The following DAB1 variants were observed in gnomAD, a reference collection of about 807,000 sequenced individuals.
The protein encoded by DAB1 is DAB adaptor protein 1.
In DAB1, 15 loss-of-function variants were observed where a neutral mutation model predicts 64.6. That is an observed-to-expected ratio of 0.23 (90% CI 0.16 to 0.36). The LOEUF (loss-of-function observed/expected upper bound fraction) is 0.36. Ranked by LOEUF, DAB1 falls within the 10% of genes least tolerant of loss-of-function variation. DAB1 has a pLI of 1.00. For synonymous variants in DAB1, 235 were observed against 251.9 expected (o/e 0.93, Z 0.64); for missense variants, 596 against 706.7 (o/e 0.84, Z 1.78).
At chr1:57,731,379 T>C (rs1241686468) in intron 6 of DAB1, among the ~76,000 whole-genome samples, 3 of 152,014 alleles carry the variant, frequency 2.0e-5, no homozygotes, top group Admixed American at 2.0e-4. Context: ...AGATGAAAAA[T>C]GTTCTGGAGT....
chr1:57,319,513 TGTC>T (rs543911406), intron 1 of DAB1, among the ~76,000 whole-genome samples: 2 of 152,122 alleles, frequency 1.3e-5, no homozygotes, highest in African/African-American at 4.8e-5. Context: ...CTTCTCTGGA[TGTC>T]TGTTTCTTAA....
At chr1:57,809,632 T>C (rs998348790) in intron 6 of DAB1, among the ~76,000 whole-genome samples, 2 of 152,186 alleles carry the variant, frequency 1.3e-5, no homozygotes, top group Non-Finnish European at 2.9e-5. Context: ...AATGAAAGCA[T>C]GAATAATTAA....
At chr1:57,651,665 C>CAAA (rs142806300) in intron 6 of DAB1, among the ~76,000 whole-genome samples, 3 of 149,174 alleles carry the variant, frequency 2.0e-5, no homozygotes, top group African/African-American at 7.5e-5. Context: ...AGAAAACAAA[C>CAAA]AAAAAAAAAA....
intron 7 of DAB1, among the ~76,000 whole-genome samples, chr1:57,497,333 T>C (rs1284979714): frequency 6.6e-6 from 1 of 152,248 alleles, no homozygotes; most frequent in Non-Finnish European, 1.5e-5. Flanking sequence ...AGGTTTGTTT[T>C]GTTCATTGCT....
chr1:57,812,411 C>T (rs913641354), intron 6 of DAB1, among the ~76,000 whole-genome samples: 5 of 151,788 alleles, frequency 3.3e-5, no homozygotes, highest in Non-Finnish European at 7.4e-5. Context: ...CCACAGACCA[C>T]TTAGAAATGA....
At chr1:58,318,672 T>G (rs1157540079) in intron 4 of DAB1, among the ~76,000 whole-genome samples, 1 of 152,202 alleles carries the variant, frequency 6.6e-6, no homozygotes, top group Non-Finnish European at 1.5e-5. Flanking sequence ...TCTGATTCCC[T>G]AAGCCAGTAC....
At chr1:57,588,688 C>T (rs936414345) in intron 7 of DAB1, among the ~76,000 whole-genome samples, 4 of 152,044 alleles carry the variant, frequency 2.6e-5, no homozygotes, top group Admixed American at 6.5e-5. Flanking sequence ...ACATATTGTA[C>T]TGGAGGAAAA....
intron 3 of DAB1, among the ~76,000 whole-genome samples, chr1:58,469,436 TATG>T (rs930848769): frequency 3.3e-5 from 5 of 152,272 alleles, no homozygotes; most frequent in African/African-American, 1.2e-4. Context: ...CCTATCCCAC[TATG>T]ACATTATTAG....
chr1:58,520,031 G>A (rs7355165), intron 2 of DAB1, among the ~76,000 whole-genome samples: 1 of 151,886 alleles, frequency 6.6e-6, no homozygotes, highest in African/African-American at 2.4e-5. Context: ...CACTCATAAG[G>A]GGGAGCTAAA....
At chr1:58,007,115 G>A (rs528330033) in intron 5 of DAB1, among the ~76,000 whole-genome samples, 3 of 152,210 alleles carry the variant, frequency 2.0e-5, no homozygotes, top group Admixed American at 6.5e-5. Flanking sequence ...CAATTCAAGC[G>A]CTTTCTTTTA....
intron 7 of DAB1, among the ~76,000 whole-genome samples, chr1:57,606,441 T>A (rs1165270234): frequency 3.2e-5 from 4 of 123,232 alleles, no homozygotes; most frequent in Non-Finnish European, 6.6e-5. Flanking sequence ...AAATATTTCA[T>A]ATATAATATA....
chr1:57,270,075 G>A (rs961317882), intron 2 of DAB1, among the ~76,000 whole-genome samples: 4 of 152,182 alleles, frequency 2.6e-5, no homozygotes, highest in Non-Finnish European at 5.9e-5. Context: ...CTGGATGTCT[G>A]CCCACAAAAG....
intron 7 of DAB1, among the ~76,000 whole-genome samples, chr1:57,646,642 G>T (rs1646194208): frequency 6.6e-6 from 1 of 152,118 alleles, no homozygotes; most frequent in African/African-American, 2.4e-5. Context: ...CTAGCTACCT[G>T]GGAGGCTGAG....
intron 4 of DAB1, among the ~76,000 whole-genome samples, chr1:57,098,247 G>A (rs1485377986): frequency 6.6e-6 from 1 of 152,034 alleles, no homozygotes; most frequent in African/African-American, 2.4e-5. Flanking sequence ...TTTATTTACT[G>A]TCTACTTGGT....
chr1:57,441,929 C>A (rs1383246846), intron 7 of DAB1, among the ~76,000 whole-genome samples: 1 of 152,234 alleles, frequency 6.6e-6, no homozygotes, highest in Non-Finnish European at 1.5e-5. Context: ...CTTTACTCCA[C>A]AGCCTTGCCA....
chr1:57,853,483 C>A (rs1446125837), intron 1 of DAB1, among the ~76,000 whole-genome samples: 1 of 151,982 alleles, frequency 6.6e-6, no homozygotes, highest in African/African-American at 2.4e-5. Context: ...TGATTGACAC[C>A]ATAAGAAGAA....
At chr1:57,909,249 C>T (rs1271675129) in intron 5 of DAB1, among the ~76,000 whole-genome samples, 1 of 152,142 alleles carries the variant, frequency 6.6e-6, no homozygotes, top group Non-Finnish European at 1.5e-5. Flanking sequence ...ACTCAGTGGC[C>T]TTCTTCATAA....
intron 2 of DAB1, among the ~76,000 whole-genome samples, chr1:57,258,738 T>G (rs1034946338): frequency 6.6e-6 from 1 of 152,182 alleles, no homozygotes; most frequent in Admixed American, 6.5e-5. Flanking sequence ...TCTCCACTTC[T>G]AAAATCATCT....
At chr1:57,620,573 G>A (rs985261788) in intron 7 of DAB1, among the ~76,000 whole-genome samples, 1 of 152,238 alleles carries the variant, frequency 6.6e-6, no homozygotes, top group Non-Finnish European at 1.5e-5. Context: ...GGGTGAGAGT[G>A]AAGGGAAGGG....
Sources: allele counts gnomAD v4.1 joint callset (sites outside exome capture counted in the v4.1 genomes callset), GRCh38; gene constraint gnomAD v4.1.1; transcripts MANE v1.5; gene names NCBI Gene and HGNC (gene_info 2026-07-23, HGNC 2026-07-21).